SLIT3: variants seen among roughly 807,000 people sequenced by gnomAD.
The protein encoded by SLIT3 is slit homolog 3 protein.
A neutral mutation model predicts 184.0 loss-of-function variants in SLIT3; 68 were observed. The observed-to-expected ratio is 0.37, with a 90% CI of 0.30 to 0.45. The LOEUF (loss-of-function observed/expected upper bound fraction) is 0.45. Ranked by LOEUF, SLIT3 falls within the 20% of genes least tolerant of loss-of-function variation. The pLI, the probability that SLIT3 is intolerant of heterozygous loss-of-function variation, is 1.00. For missense variants in SLIT3, 1,707 were observed against 2,026.0 expected (o/e 0.84, Z 3.02); for synonymous variants, 831 against 828.6 (o/e 1.00, Z -0.05).
At chr5:169,052,300 A>G (rs1021974466) in intron 4 of SLIT3, among the ~76,000 whole-genome samples, 1 of 152,116 alleles carries the variant, frequency 6.6e-6, no homozygotes, top group African/African-American at 2.4e-5. Context: ...CTTCATATCT[A>G]CAGGACGGCC....
chr5:168,929,480 C>A (rs1431655239), intron 4 of SLIT3, among the ~76,000 whole-genome samples: 1 of 152,212 alleles, frequency 6.6e-6, no homozygotes, highest in Non-Finnish European at 1.5e-5. Context: ...CTAGCAAAAG[C>A]TGTTCATAAT....
intron 4 of SLIT3, among the ~76,000 whole-genome samples, chr5:169,080,507 A>G (rs924423129): frequency 6.6e-6 from 1 of 152,042 alleles, no homozygotes; most frequent in Non-Finnish European, 1.5e-5. Context: ...AGGGGATTTG[A>G]TCCCAGGGAG....
intron 4 of SLIT3, among the ~76,000 whole-genome samples, chr5:169,038,407 C>CAT (rs766235141): frequency 2.6e-5 from 4 of 152,216 alleles, no homozygotes; most frequent in Non-Finnish European, 5.9e-5. Flanking sequence ...GGTATATGCA[C>CAT]ATACGTTCAA....
intron 4 of SLIT3, among the ~76,000 whole-genome samples, chr5:168,965,650 C>T (rs1371159581): frequency 1.3e-5 from 2 of 152,206 alleles, no homozygotes; most frequent in African/African-American, 4.8e-5. Context: ...GTGTAGCAAA[C>T]TGCTATTATG....
Position 168,688,330 on chromosome 5 carries a change from G to A in SLIT3, c.3177-1214C>T, listed in dbSNP as rs1166435245. ...GAGGTGACAAAGGCAGGGAGGTGAG[G>A]GTTGGGGGGAAGCAAGCTCTCTAAA... On this transcript the variant is annotated intron_variant, in intron 29 of 35. Coordinates refer to ENST00000519560, the MANE Select transcript of SLIT3 (RefSeq NM_003062.4). Among the ~76,000 whole-genome samples, 4 of 152,164 alleles carry A rather than the reference G, an allele frequency of 2.6e-5. No homozygotes were observed. In the East Asian group the frequency reaches 7.7e-4, roughly 29 times the overall value.
intron 32 of SLIT3, among the ~76,000 whole-genome samples, chr5:168,677,117 C>T (rs368676377): frequency 1.3e-5 from 2 of 152,194 alleles, no homozygotes; most frequent in African/African-American, 4.8e-5. Flanking sequence ...TAGGTAGGCT[C>T]GAGGTATAGC....
intron 4 of SLIT3, among the ~76,000 whole-genome samples, chr5:169,134,825 G>A (rs569972389): frequency 3.3e-5 from 5 of 152,262 alleles, no homozygotes; most frequent in East Asian, 1.9e-4. Flanking sequence ...AGGCCCCTCC[G>A]TGGCATTTAT....
intron 4 of SLIT3, among the ~76,000 whole-genome samples, chr5:168,970,850 TG>T (rs1314474130): frequency 6.6e-6 from 1 of 152,342 alleles, no homozygotes; most frequent in East Asian, 1.9e-4. Flanking sequence ...TTTCTTTATC[TG>T]TGAAATGGAG....
At chr5:169,188,405 T>A (rs142181782) in intron 4 of SLIT3, among the ~76,000 whole-genome samples, 1 of 152,284 alleles carries the variant, frequency 6.6e-6, no homozygotes, top group East Asian at 1.9e-4. Context: ...TGGAAGAGGA[T>A]GGCAAAGGGA....
chr5:168,671,259 G>C lies in SLIT3; in HGVS notation c.4066C>G (p.Arg1356Gly), dbSNP rs1049118201. 6 of 1,613,472 alleles carry C rather than the reference G, an allele frequency of 3.7e-6. No individual in the cohort carries two copies. Among genetic ancestry groups the C allele is most frequent in the Non-Finnish European group, 5.1e-6 (6 of 1,179,906 alleles). Residue 1356 changes from arginine to glycine, a missense_variant, in exon 34 of 36, where the codon CGC (arginine) becomes GGC (glycine). By Grantham distance (125) the Arg-to-Gly change is moderately radical. Coordinates refer to ENST00000519560, the MANE Select transcript of SLIT3 (RefSeq NM_003062.4). ...VEKDSVVCEC[R>G]PGWTGPLCDQ... is the part of the protein sequence containing the mutation. Reference sequence around the variant, plus strand: ...CAGAGTGGGCCGGTCCAGCCTGGGCGGCACTCGCACACCACGCTGTCCTTC... The same window carrying C: ...CAGAGTGGGCCGGTCCAGCCTGGGCCGCACTCGCACACCACGCTGTCCTTC...
At chr5:168,771,595 G>A (rs1375206799) in intron 14 of SLIT3, among the ~76,000 whole-genome samples, 2 of 152,148 alleles carry the variant, frequency 1.3e-5, no homozygotes, top group Non-Finnish European at 2.9e-5. Flanking sequence ...GTGAAAGATG[G>A]CTGTTGTAAC....
At position 168,759,629 on chromosome 5, in the gene SLIT3, C is replaced by T. The variant is rs1023954105; in HGVS notation, c.1685+1233G>A. On this transcript the variant is annotated intron_variant, in intron 16 of 35. Coordinates refer to ENST00000519560, the MANE Select transcript of SLIT3 (RefSeq NM_003062.4). ...TGAGAGGTGACAGAAGAAGGCAGAGCGTGGCCTCGCTCGACCCCAGCTGAG... is the reference window on the plus strand; with the variant it reads ...TGAGAGGTGACAGAAGAAGGCAGAGTGTGGCCTCGCTCGACCCCAGCTGAG... Among the ~76,000 whole-genome samples, 15 of 152,280 alleles carry T rather than the reference C, an allele frequency of 9.9e-5. 1 individual carries two copies. The highest frequency in any genetic ancestry group is 3.1e-4 in the African/African-American group (13 of 41,564).
At chr5:168,998,837 C>A (rs1755602156) in intron 4 of SLIT3, among the ~76,000 whole-genome samples, 1 of 152,104 alleles carries the variant, frequency 6.6e-6, no homozygotes, top group Non-Finnish European at 1.5e-5. Flanking sequence ...AATATGAATT[C>A]TTGGGCCCTA....
chr5:168,805,219 A>G (rs971177212), intron 9 of SLIT3, among the ~76,000 whole-genome samples: 21 of 152,168 alleles, frequency 1.4e-4, no homozygotes, highest in African/African-American at 5.1e-4. Context: ...TGGGCTCACA[A>G]CAGATGTTTA....
rs1361692872 is a variant in SLIT3 at position 168,804,339 on chromosome 5, AG to A, written c.935+2106del. Among the ~76,000 whole-genome samples the A allele has an allele frequency of 4.8e-3, 646 of 133,378 alleles. 10 individuals carry two copies. The highest frequency in any genetic ancestry group is 0.013 in the African/African-American group (473 of 35,356). The allele number at this position is 133,378 out of a possible 152,430, so 87.5% of individuals were successfully genotyped here. A position where few individuals can be genotyped will look rare whatever the true frequency, so the allele number is the denominator to read the frequency against. ...AAAAAAAAAAAAAAAAAAAAAAAAA[AG>A]ATGAAAGGGAAACAGTGCAAAAAGG... On this transcript the variant is annotated intron_variant, in intron 9 of 35. Coordinates refer to ENST00000519560, the MANE Select transcript of SLIT3 (RefSeq NM_003062.4).
At chr5:169,286,322 T>G (rs570813341) in intron 1 of SLIT3, among the ~76,000 whole-genome samples, 1 of 150,924 alleles carries the variant, frequency 6.6e-6, no homozygotes, top group South Asian at 2.1e-4. Context: ...ACTAAACATC[T>G]TTTTTTTTCT....
chr5:168,869,103 C>T (rs1759418660), intron 5 of SLIT3, among the ~76,000 whole-genome samples: 1 of 152,202 alleles, frequency 6.6e-6, no homozygotes, highest in Non-Finnish European at 1.5e-5. Flanking sequence ...CCAGTGTTAA[C>T]ACTTTTAATT....
At chr5:169,058,930 G>A (rs1410687210) in intron 4 of SLIT3, among the ~76,000 whole-genome samples, 4 of 152,310 alleles carry the variant, frequency 2.6e-5, no homozygotes, top group Middle Eastern at 6.8e-3. Context: ...AGGCCAGGAA[G>A]CCACCATGTT....
chr5:168,782,222 C>T (rs1756000472), intron 12 of SLIT3, among the ~76,000 whole-genome samples: 1 of 152,082 alleles, frequency 6.6e-6, no homozygotes, highest in Non-Finnish European at 1.5e-5. Flanking sequence ...TAACTTATTC[C>T]AGCCCGAAGA....
Sources: allele counts gnomAD v4.1 joint callset (sites outside exome capture counted in the v4.1 genomes callset), GRCh38; gene constraint gnomAD v4.1.1; transcripts MANE v1.5; gene names NCBI Gene and HGNC (gene_info 2026-07-23, HGNC 2026-07-21).